The following DOCK8 variants were observed in gnomAD, a reference collection of about 807,000 sequenced individuals.
DOCK8 encodes dedicator of cytokinesis 8.
Under a neutral mutation model 245.6 loss-of-function variants are expected in DOCK8, and 141 were observed. That is an observed-to-expected ratio of 0.57 (90% CI 0.50 to 0.66). The LOEUF is 0.66. Among genes scored for constraint, DOCK8 ranks in the 30% least tolerant of loss-of-function variants. DOCK8 has a pLI of 0.00. For synonymous variants in DOCK8, 1,168 were observed against 970.2 expected, an observed-to-expected ratio of 1.20 and a Z score of -3.79; for missense variants, 2,965 against 2,603.4, an observed-to-expected ratio of 1.14 and a Z score of -3.02.
At chr9:396,357 G>A (rs1179204539) in intron 24 of DOCK8, among the ~76,000 whole-genome samples, 1 of 152,102 alleles carries the variant, frequency 6.6e-6, no homozygotes, top group Non-Finnish European at 1.5e-5. Context: ...GTAGTTTCAG[G>A]AACAGAAAAG....
At chr9:429,599 C>A in intron 35 of DOCK8, 103 bp from the exon 36 acceptor site, 3 of 1,406,242 alleles carry the variant, frequency 2.1e-6, no homozygotes, top group Non-Finnish European at 3.0e-6. Context: ...ATTAACTCTT[C>A]TAGGCTTTTT....
intron 14 of DOCK8, among the ~76,000 whole-genome samples, chr9:344,226 GTTC>G (rs1361224716): frequency 1.3e-5 from 2 of 152,186 alleles, no homozygotes; most frequent in Non-Finnish European, 2.9e-5. Context: ...TTGGCTCACA[GTTC>G]TTCTCTGTGG....
chr9:315,704 A>C (rs896763769), intron 6 of DOCK8, among the ~76,000 whole-genome samples: 4 of 152,206 alleles, frequency 2.6e-5, no homozygotes, highest in Non-Finnish European at 4.4e-5. Flanking sequence ...ATGCCCCTGA[A>C]TTGAACTTGT....
intron 1 of DOCK8, among the ~76,000 whole-genome samples, chr9:237,757 C>T (rs906646555): frequency 7.2e-5 from 11 of 152,174 alleles, no homozygotes; most frequent in South Asian, 2.1e-4. Flanking sequence ...GATAAGCAGC[C>T]GGGTTGTTCA....
rs185375607 is a variant in DOCK8 at position 260,235 on chromosome 9, T to C, written c.54-11392T>C. Among the ~76,000 whole-genome samples, 149 of 152,312 alleles carry C rather than the reference T, an allele frequency of 9.8e-4. 1 individual carries two copies. The highest frequency in any genetic ancestry group is 3.5e-3 in the African/African-American group (144 of 41,570). ...GAACCTCAAACTTAGTATGCCCAAATGAAATTTTCAGCTCACCAGAAGGTA... is the reference window on the plus strand; with the variant it reads ...GAACCTCAAACTTAGTATGCCCAAACGAAATTTTCAGCTCACCAGAAGGTA... On this transcript the variant is annotated intron_variant, in intron 1 of 47. Coordinates refer to ENST00000432829, the MANE Select transcript of DOCK8 (RefSeq NM_203447.4).
intron 30 of DOCK8, among the ~76,000 whole-genome samples, chr9:419,157 AG>A (rs146627602): frequency 6.6e-6 from 1 of 152,198 alleles, no homozygotes; most frequent in Non-Finnish European, 1.5e-5. Context: ...ATTTCAATGT[AG>A]GGTATAGATG....
chr9:346,536 A>G (rs2051899378), intron 14 of DOCK8, among the ~76,000 whole-genome samples: 1 of 152,154 alleles, frequency 6.6e-6, no homozygotes, highest in African/African-American at 2.4e-5. Flanking sequence ...CTCTCACTTC[A>G]GCCCCCGAGA....
chr9:249,602 AT>A (rs1377702690), intron 1 of DOCK8, among the ~76,000 whole-genome samples: 2 of 151,894 alleles, frequency 1.3e-5, no homozygotes, highest in Non-Finnish European at 2.9e-5. Flanking sequence ...CTCTTTTCTT[AT>A]TTTTTAATTT....
chr9:291,909 T>A (rs1266617223), intron 4 of DOCK8, among the ~76,000 whole-genome samples: 1 of 150,950 alleles, frequency 6.6e-6, no homozygotes, highest in Non-Finnish European at 1.5e-5. Context: ...TCTAAAAAAA[T>A]TTTTTAAAAA....
chr9:308,016 G>A (rs2049928613), intron 5 of DOCK8, among the ~76,000 whole-genome samples: 1 of 152,192 alleles, frequency 6.6e-6, no homozygotes, highest in South Asian at 2.1e-4. Context: ...TGATCTCATA[G>A]AAGTAGAGGG....
intron 2 of DOCK8, among the ~76,000 whole-genome samples, chr9:276,840 G>T (rs1163269782): frequency 6.6e-6 from 1 of 152,128 alleles, no homozygotes; most frequent in African/African-American, 2.4e-5. Context: ...ACAGGGCCTT[G>T]CTCTGTCGCC....
At chr9:245,787 G>C (rs957282053) in intron 1 of DOCK8, among the ~76,000 whole-genome samples, 4 of 152,154 alleles carry the variant, frequency 2.6e-5, no homozygotes, top group Non-Finnish European at 5.9e-5. Context: ...CCAGGTCATT[G>C]GCAGAATAGA....
At chr9:243,206 A>G (rs2047419331) in intron 1 of DOCK8, among the ~76,000 whole-genome samples, 1 of 152,176 alleles carries the variant, frequency 6.6e-6, no homozygotes, top group African/African-American at 2.4e-5. Context: ...GAGATCCAGG[A>G]GAGAATATTT....
At position 446,522 on chromosome 9, in the gene DOCK8, G is replaced by T. The variant is rs769375152; in HGVS notation, c.5733G>T (p.Glu1911Asp). ...GGCGGCCTCGGGGAGAGCTGCATGA[G>T]CAGTACAGAAGGAACACAGTCCTGA... is the stretch of plus-strand genomic sequence containing the variant. Reference protein sequence around the residue: ...LEGRPRGELHEQYRRNTVLTT... With the variant: ...LEGRPRGELHDQYRRNTVLTT... Residue 1911 changes from glutamate (E) to aspartate (D), a missense_variant, in exon 44 of 48, where the codon GAG (glutamate) becomes GAT (aspartate). By Grantham distance (45) the Glu-to-Asp change is conservative. This residue lies in a region of DOCK8 where 2,825 missense variants were observed against 2,453.5 expected (regional missense o/e 1.15). Coordinates refer to ENST00000432829, the MANE Select transcript of DOCK8 (RefSeq NM_203447.4). 1 of 1,614,248 alleles carries T rather than the reference G, an allele frequency of 6.2e-7. No homozygotes were observed. Among genetic ancestry groups the T allele is most frequent in the South Asian group, 1.1e-5 (1 of 91,090 alleles).
In DOCK8 at chr9:416,395, A is replaced by T. The variant is rs76263223; in HGVS notation, c.3700+1444A>T. ...AAAGCCAGGAACCACTTTAGCACAC[A>T]TTATCCGAAGTTTTCTTGTCAATTA... On this transcript the variant is annotated intron_variant, in intron 29 of 47. Transcript: ENST00000432829. Among the ~76,000 whole-genome samples, 1,413 of 152,330 alleles carry T rather than the reference A, an allele frequency of 9.3e-3. 26 individuals carry two copies. The highest frequency in any genetic ancestry group is 0.033 in the African/African-American group (1,357 of 41,560).
chr9:331,512 G>A (rs1356850987), intron 9 of DOCK8, among the ~76,000 whole-genome samples: 1 of 152,182 alleles, frequency 6.6e-6, no homozygotes, highest in African/African-American at 2.4e-5. Context: ...TTAAGTATGT[G>A]TCCCTTTTGT....
chr9:265,347 C>G (rs1357231275), intron 1 of DOCK8, among the ~76,000 whole-genome samples: 1 of 152,184 alleles, frequency 6.6e-6, no homozygotes, highest in Non-Finnish European at 1.5e-5. Flanking sequence ...CATTTCTAGT[C>G]CTGAAACAAT....
At chr9:312,441 A>G (rs1472604588) in intron 6 of DOCK8, 1 of 567,756 alleles carries the variant, frequency 1.8e-6, no homozygotes, top group Non-Finnish European at 3.3e-6. Context: ...TTAATCCCCA[A>G]ATGTTTCAAG....
At chr9:328,942 T>G (rs2050882698) in intron 9 of DOCK8, among the ~76,000 whole-genome samples, 1 of 75,628 alleles carries the variant, frequency 1.3e-5, no homozygotes, top group African/African-American at 6.7e-5. Context: ...TTATTGATTC[T>G]TTTTTTTTTT....
Sources: allele counts gnomAD v4.1 joint callset (sites outside exome capture counted in the v4.1 genomes callset), GRCh38; gene constraint gnomAD v4.1.1; regional missense constraint gnomAD v4.1.1; transcripts MANE v1.5; gene names NCBI Gene and HGNC (gene_info 2026-07-23, HGNC 2026-07-21).